AGPAT4: variants seen among roughly 807,000 people sequenced by gnomAD.
AGPAT4 encodes the protein 1-acylglycerol-3-phosphate O-acyltransferase 4, also known as 1-acyl-sn-glycerol-3-phosphate acyltransferase delta.
A neutral mutation model predicts 48.0 loss-of-function variants in AGPAT4; 15 were observed. The ratio of observed to expected loss-of-function variants is 0.31; its 90% CI spans 0.21 to 0.48. The LOEUF (loss-of-function observed/expected upper bound fraction) is 0.48, where lower values mean the gene tolerates loss of function less well. AGPAT4 is among the 20% of genes least tolerant of loss of function. The probability of loss-of-function intolerance (pLI) is 0.99; values close to 1 mark genes in which losing one functional copy is unlikely to be tolerated. For synonymous variants in AGPAT4, 178 were observed against 198.7 expected, an observed-to-expected ratio of 0.90 and a Z score of 0.88; for missense variants, 314 against 482.5, an observed-to-expected ratio of 0.65 and a Z score of 3.27.
At position 161,197,794 on chromosome 6, in the gene AGPAT4, G is replaced by A. The variant is rs552793323; in HGVS notation, c.179-31377C>T. ...CACCCAGGAGAGTTAAGTGCCTGCCGGAGTTCTGGAAATAAAATTACTTAC... is the reference window on the plus strand; with the variant it reads ...CACCCAGGAGAGTTAAGTGCCTGCCAGAGTTCTGGAAATAAAATTACTTAC... On this transcript the variant is annotated intron_variant, in intron 2 of 8. Coordinates refer to ENST00000320285, the MANE Select transcript of AGPAT4 (RefSeq NM_020133.3). This position sits in a 1 kb window ranked among gnomAD's most constrained non-coding sequence, Gnocchi z 5.7. Among the ~76,000 whole-genome samples, 103 of 152,202 alleles carry A rather than the reference G, an allele frequency of 6.8e-4. No individual in the cohort carries two copies. The highest frequency in any genetic ancestry group is 2.1e-3 in the African/African-American group (86 of 41,530).
chr6:161,153,242 G>A, intron 5 of AGPAT4, 104 bp downstream of exon 5: 1 of 1,441,806 alleles, frequency 6.9e-7, no homozygotes, highest in Non-Finnish European at 9.3e-7. Context: ...CTAGCCTCAA[G>A]TCAGCTGGGA....
At position 161,146,721 on chromosome 6, in the gene AGPAT4, G is replaced by T; in HGVS notation, c.768-122C>A. 3 of 845,336 alleles carry T rather than the reference G, an allele frequency of 3.5e-6. No homozygotes were observed. Among genetic ancestry groups the T allele is most frequent in the Non-Finnish European group, 3.8e-6 (2 of 522,026 alleles). The allele number at this position is 845,336 out of a possible 1,614,324, so 52.4% of individuals were successfully genotyped here. A position where few individuals can be genotyped will look rare whatever the true frequency, so the allele number is the denominator to read the frequency against. ...GTCACCTAAATAATGTGGAACTGAA[G>T]AGAGTAATGCAAGTGATAGAAAGAA... On this transcript the variant is annotated intron_variant, in intron 6 of 8. Coordinates refer to ENST00000320285, the MANE Select transcript of AGPAT4 (RefSeq NM_020133.3). This position sits in a 1 kb window ranked among gnomAD's most constrained non-coding sequence, Gnocchi z 7.1.
Position 161,131,040 on chromosome 6 carries a change from T to A in AGPAT4, c.*5500A>T, listed in dbSNP as rs1465954274. 1.6e-5 allele frequency: 6 copies of A among 384,504 alleles called. No homozygotes were observed. The highest frequency in any genetic ancestry group is 3.2e-5 in the Non-Finnish European group (6 of 184,704). The allele number at this position is 384,504 out of a possible 1,614,324, so 23.8% of individuals were successfully genotyped here. On this transcript the variant is annotated 3_prime_UTR_variant, in exon 9 of 9. Transcript: ENST00000320285. ...GCAAAGGAATTATTATGCAGCAATC[T>A]TAACTTTGTGTACATACCACTCACC...
chr6:161,174,739 A>G lies in AGPAT4; in HGVS notation c.179-8322T>C, dbSNP rs955775086. ...TGTCTTGTGCCAGTTTTCAAAGGGA[A>G]TGCTTCCAGTTTTTGCCCATTCAGT... On this transcript the variant is annotated intron_variant, in intron 2 of 8. Coordinates refer to ENST00000320285, the MANE Select transcript of AGPAT4 (RefSeq NM_020133.3). Among the ~76,000 whole-genome samples the G allele has an allele frequency of 2.0e-5, 3 of 152,172 alleles. No individual in the cohort carries two copies. The East Asian group carries it at 5.8e-4, about 29-fold the overall frequency.
chr6:161,141,234 T>C lies in AGPAT4; in HGVS notation c.844-1614A>G, dbSNP rs1779240109. Among the ~76,000 whole-genome samples, 1 of 152,108 alleles carries C rather than the reference T, an allele frequency of 6.6e-6. No homozygotes were observed. The highest frequency in any genetic ancestry group is 2.1e-4 in the South Asian group (1 of 4,824). On this transcript the variant is annotated intron_variant, in intron 7 of 8. Coordinates refer to ENST00000320285, the MANE Select transcript of AGPAT4 (RefSeq NM_020133.3). The surrounding 1 kb of genome is among the most constrained non-coding windows in gnomAD (Gnocchi z 6.7). ...GCCCCCTGCAGCCCATTAACAAGCC[T>C]GGTCCGAAGCGTCACTTGTCGCGTG...
Position 161,240,075 on chromosome 6 carries a change from A to T in AGPAT4, c.-89-7773T>A, listed in dbSNP as rs1393569145. Among the ~76,000 whole-genome samples, 1 of 152,184 alleles carries T rather than the reference A, an allele frequency of 6.6e-6. No individual in the cohort carries two copies. Among genetic ancestry groups the T allele is most frequent in the East Asian group, 1.9e-4 (1 of 5,202 alleles). ...GGAATAGGTGAAGTGTCACTAAAAT[A>T]GGTTTGCAGTAAAATGGATACATTT... is the stretch of plus-strand genomic sequence containing the variant. On this transcript the variant is annotated intron_variant, in intron 1 of 8. Coordinates refer to ENST00000320285, the MANE Select transcript of AGPAT4 (RefSeq NM_020133.3). This position sits in a 1 kb window ranked among gnomAD's most constrained non-coding sequence, Gnocchi z 5.5.
In AGPAT4 at chr6:161,206,501, C is replaced by A. The variant is rs1781382323; in HGVS notation, c.178+25535G>T. Among the ~76,000 whole-genome samples, 1 of 152,178 alleles carries A rather than the reference C, an allele frequency of 6.6e-6. No homozygotes were observed. The highest frequency in any genetic ancestry group is 6.5e-5 in the Admixed American group (1 of 15,276). On this transcript the variant is annotated intron_variant, in intron 2 of 8. Transcript: ENST00000320285. This position sits in a 1 kb window ranked among gnomAD's most constrained non-coding sequence, Gnocchi z 4.8. ...CAGAGTGGGGAACCTGGACTTCTAC[C>A]CTTACCTGGCAATAATAAGGTGGCA... is the stretch of plus-strand genomic sequence containing the variant.
At position 161,174,631 on chromosome 6, in the gene AGPAT4, CCTTT is replaced by C. The variant is rs760209810; in HGVS notation, c.179-8218_179-8215del. Among the ~76,000 whole-genome samples, 105 of 152,208 alleles carry C rather than the reference CCTTT, an allele frequency of 6.9e-4. 1 individual carries two copies. The highest frequency in any genetic ancestry group is 9.8e-4 in the Admixed American group (15 of 15,282). On this transcript the variant is annotated intron_variant, in intron 2 of 8. Coordinates refer to ENST00000320285, the MANE Select transcript of AGPAT4 (RefSeq NM_020133.3). ...ACTTCCTCTTTTCCTAACTGAATAC[CCTTT>C]ATTTCTTTCTCCTGCCTGATTGCCC... is the stretch of plus-strand genomic sequence containing the variant.
chr6:161,182,811 C>G (rs530899721), intron 2 of AGPAT4, among the ~76,000 whole-genome samples: 1 of 152,342 alleles, frequency 6.6e-6, no homozygotes, highest in African/African-American at 2.4e-5. Flanking sequence ...ACACTGGGCA[C>G]TGCTTTTGGG....
rs1228470038 is a variant in AGPAT4, at chr6:161,232,011, A to C, written c.178+25T>G. ...ATACACACATCCACAATGGAGACGAAAATATAGAATCTTAAGTATCTTACG... is the reference window on the plus strand; with the variant it reads ...ATACACACATCCACAATGGAGACGACAATATAGAATCTTAAGTATCTTACG... On this transcript the variant is annotated intron_variant, in intron 2 of 8. Coordinates refer to ENST00000320285, the MANE Select transcript of AGPAT4 (RefSeq NM_020133.3). This position sits in a 1 kb window ranked among gnomAD's most constrained non-coding sequence, Gnocchi z 6.8. 4.3e-6 allele frequency: 7 copies of C among 1,609,990 alleles called. No homozygotes were observed. The Admixed American group carries it at 6.7e-5, about 15-fold the overall frequency.
rs1027298183 is a variant in AGPAT4 at position 161,138,226 on chromosome 6, T to C, written c.1042+1196A>G. On this transcript the variant is annotated intron_variant, in intron 8 of 8. Transcript: ENST00000320285. The surrounding 1 kb of genome is among the most constrained non-coding windows in gnomAD (Gnocchi z 4.8). ...CCTCTTATTTTTTTCCCTTACACGG[T>C]GTGGGTGTTGTTTTAATATTTTAAT... 6.6e-6 allele frequency among the ~76,000 whole-genome samples: 1 copy of C among 152,158 alleles called. No homozygotes were observed. The highest frequency in any genetic ancestry group is 1.5e-5 in the Non-Finnish European group (1 of 68,018).
At position 161,130,683 on chromosome 6, in the gene AGPAT4, T is replaced by C; in HGVS notation, c.*5857A>G. ...CCATCTCCCGTGAACATCTGTTGACTGTGGGCGGCCTGGGCCAGCCTTGCT... is the reference window on the plus strand; with the variant it reads ...CCATCTCCCGTGAACATCTGTTGACCGTGGGCGGCCTGGGCCAGCCTTGCT... On this transcript the variant is annotated 3_prime_UTR_variant, in exon 9 of 9. Coordinates refer to ENST00000320285, the MANE Select transcript of AGPAT4 (RefSeq NM_020133.3). The C allele has an allele frequency of 6.3e-6, 2 of 315,666 alleles. No individual in the cohort carries two copies. Among genetic ancestry groups the C allele is most frequent in the Non-Finnish European group, 1.3e-5 (2 of 154,016 alleles). 19.6% of individuals were successfully genotyped at this position (315,666 alleles called of 1,614,324 possible). A position where few individuals can be genotyped will look rare whatever the true frequency, so the allele number is the denominator to read the frequency against.
At chr6:161,170,469 GCGCGCACA>G (rs780802958) in intron 2 of AGPAT4, among the ~76,000 whole-genome samples, 8,762 of 121,544 alleles carry the variant, frequency 0.072, 330 homozygotes, top group Non-Finnish European at 0.087. Flanking sequence ...ACACGTGCGC[GCGCGCACA>G]CACACACACA....
chr6:161,149,360 A>G lies in AGPAT4; in HGVS notation c.665-71T>C. ...CCAATTTTGTTCTGTAGATACACAC[A>G]TTGGAAGACAATAATCAAATGGCTA... On this transcript the variant is annotated intron_variant, in intron 5 of 8. Coordinates refer to ENST00000320285, the MANE Select transcript of AGPAT4 (RefSeq NM_020133.3). The surrounding 1 kb of genome is among the most constrained non-coding windows in gnomAD (Gnocchi z 6.5). 1 of 1,340,432 alleles carries G rather than the reference A, an allele frequency of 7.5e-7. No homozygotes were observed. Among genetic ancestry groups the G allele is most frequent in the Non-Finnish European group, 1.0e-6 (1 of 997,090 alleles). The allele number at this position is 1,340,432 out of a possible 1,614,324, so 83.0% of individuals were successfully genotyped here.
chr6:161,273,304 C>T (rs751498629), intron 1 of AGPAT4, among the ~76,000 whole-genome samples: 4 of 152,080 alleles, frequency 2.6e-5, no homozygotes, highest in South Asian at 4.2e-4. Flanking sequence ...GTTTCCTTGA[C>T]AACTCCCCTC....
At chr6:161,175,866 C>A (rs1780414075) in intron 2 of AGPAT4, among the ~76,000 whole-genome samples, 1 of 152,184 alleles carries the variant, frequency 6.6e-6, no homozygotes, top group Admixed American at 6.5e-5. Context: ...CAAAGAACAT[C>A]TTTATTCCCA....
At chr6:161,191,794 G>A (rs1780929258) in intron 2 of AGPAT4, among the ~76,000 whole-genome samples, 1 of 152,196 alleles carries the variant, frequency 6.6e-6, no homozygotes, top group Non-Finnish European at 1.5e-5. Flanking sequence ...AGGTGCAGAA[G>A]AGAGTTACAC....
intron 1 of AGPAT4, among the ~76,000 whole-genome samples, chr6:161,252,410 G>A (rs1443885865): frequency 2.0e-5 from 3 of 151,412 alleles, no homozygotes; most frequent in Admixed American, 6.6e-5. Context: ...GCTCCTTCAG[G>A]GTCAAATATA....
In AGPAT4 at chr6:161,135,822, A is replaced by G. The variant is rs1233802997; in HGVS notation, c.*718T>C. ...GAGACTGCACTGCAGAGACCGAGCGAAACTCTCCCTTGCTGTGTGCCAGGG... is the reference window on the plus strand; with the variant it reads ...GAGACTGCACTGCAGAGACCGAGCGGAACTCTCCCTTGCTGTGTGCCAGGG... On this transcript the variant is annotated 3_prime_UTR_variant, in exon 9 of 9. Transcript: ENST00000320285. The G allele has an allele frequency of 6.6e-6, 1 of 152,340 alleles. No homozygotes were observed. Among genetic ancestry groups the G allele is most frequent in the African/African-American group, 2.4e-5 (1 of 41,478 alleles). 9.4% of individuals were successfully genotyped at this position (152,340 alleles called of 1,614,324 possible). A position where few individuals can be genotyped will look rare whatever the true frequency, so the allele number is the denominator to read the frequency against.
Sources: allele counts gnomAD v4.1 joint callset (sites outside exome capture counted in the v4.1 genomes callset), GRCh38; gene constraint gnomAD v4.1.1; non-coding constraint Gnocchi (gnomAD v3.1); transcripts MANE v1.5; gene names NCBI Gene and HGNC (gene_info 2026-07-23, HGNC 2026-07-21).